Variants in LIPK observed in about 807,000 individuals in gnomAD.
The protein encoded by LIPK is lipase member K.
In LIPK, 32 loss-of-function variants were observed where a neutral mutation model predicts 48.6. The ratio of observed to expected loss-of-function variants is 0.66; its 90% CI spans 0.50 to 0.88. The LOEUF (loss-of-function observed/expected upper bound fraction) is 0.88, where lower values mean the gene tolerates loss of function less well. Ranked by LOEUF, LIPK falls within the 40% of genes least tolerant of loss-of-function variation. The probability of loss-of-function intolerance (pLI) is 0.00; values close to 1 mark genes in which losing one functional copy is unlikely to be tolerated. For missense variants in LIPK, 507 were observed against 478.5 expected (o/e 1.06, Z -0.56); for synonymous variants, 164 against 157.4 (o/e 1.04, Z -0.32).
intron 7 of LIPK, among the ~76,000 whole-genome samples, chr10:88,739,345 T>C (rs1003177474): frequency 1.3e-5 from 2 of 152,042 alleles, no homozygotes; most frequent in Non-Finnish European, 2.9e-5. Context: ...ATCACTGGGG[T>C]TTTTATTCTT....
At chr10:88,732,128 G>T in intron 4 of LIPK, 50 bp from the exon 5 acceptor site, 1 of 1,235,230 alleles carries the variant, frequency 8.1e-7, no homozygotes. Context: ...AATGTTCTAG[G>T]CCTAACAATG....
intron 6 of LIPK, 108 bp from the exon 7 acceptor site, chr10:88,737,527 C>G: frequency 9.0e-7 from 1 of 1,113,430 alleles, no homozygotes; most frequent in Admixed American, 2.2e-5. Context: ...AGGACCAACA[C>G]TGAGCAGATG....
chr10:88,740,104 C>T (rs1448604380), intron 8 of LIPK, 37 bp downstream of exon 8: 2 of 1,487,544 alleles, frequency 1.3e-6, no homozygotes, highest in Non-Finnish European at 9.3e-7. Flanking sequence ...GCACACATAT[C>T]TCTGCAAGAC....
chr10:88,726,716 T>C (rs995545736), intron 2 of LIPK, 79 bp from the exon 3 acceptor site: 1 of 753,768 alleles, frequency 1.3e-6, no homozygotes, highest in Non-Finnish European at 2.3e-6. Flanking sequence ...AACAGACAAA[T>C]AAAGTACTAT....
At chr10:88,736,737 G>T (rs1428101424) in intron 6 of LIPK, among the ~76,000 whole-genome samples, 1 of 152,140 alleles carries the variant, frequency 6.6e-6, no homozygotes. Flanking sequence ...TACCATAATG[G>T]ATTCTTGGTT....
chr10:88,709,730 C>T (rs1841994421), intron 1 of LIPK, among the ~76,000 whole-genome samples: 1 of 151,870 alleles, frequency 6.6e-6, no homozygotes, highest in Admixed American at 6.6e-5. Context: ...AGTTCCTTTC[C>T]CAATACCAAT....
At chr10:88,750,413 A>G (rs1470915701) in intron 9 of LIPK, among the ~76,000 whole-genome samples, 2 of 152,110 alleles carry the variant, frequency 1.3e-5, no homozygotes, top group African/African-American at 4.8e-5. Context: ...TGCCCATAAG[A>G]GGTGAACTGA....
chr10:88,750,323 A>G (rs1842843186), intron 9 of LIPK, among the ~76,000 whole-genome samples: 1 of 152,216 alleles, frequency 6.6e-6, no homozygotes, highest in Admixed American at 6.5e-5. Flanking sequence ...AAAGGAATAT[A>G]AATCGTTCTA....
chr10:88,740,639 T>TGTGCATGCGCACACAC (rs757482464), intron 8 of LIPK, among the ~76,000 whole-genome samples: 39 of 152,262 alleles, frequency 2.6e-4, no homozygotes, highest in Non-Finnish European at 5.4e-4. Flanking sequence ...TGTCTTTGTG[T>TGTGCATGCGCACACAC]GTGCATGCGC....
intron 3 of LIPK, among the ~76,000 whole-genome samples, chr10:88,729,114 AT>A (rs36130319): frequency 1.0e-3 from 152 of 149,028 alleles, no homozygotes; most frequent in African/African-American, 3.5e-3. Context: ...AAACAAGTCT[AT>A]TTTTTTTTTC....
chr10:88,743,282 T>C lies in LIPK; in HGVS notation c.921T>C (p.Asp307=), dbSNP rs1324723633. ...AVNSGQLQAF[D]WGNSDQNMMH... ...ATTCTGGTCAGCTCCAAGCTTTTGA[T>C]TGGGGAAACTCTGATCAGAACATGA... The change falls in exon 9 of 10, where the codon GAT becomes GAC. Residue 307 remains aspartate (D), a synonymous_variant. Transcript: ENST00000404190. The C allele has an allele frequency of 3.8e-6, 6 of 1,593,628 alleles. No homozygotes were observed. The highest frequency in any genetic ancestry group is 2.6e-6 in the Non-Finnish European group (3 of 1,168,260).
At chr10:88,746,346 C>T (rs1014410712) in intron 9 of LIPK, among the ~76,000 whole-genome samples, 4 of 152,018 alleles carry the variant, frequency 2.6e-5, no homozygotes, top group Non-Finnish European at 5.9e-5. Flanking sequence ...GTGCACATGG[C>T]ATATACTCTA....
chr10:88,730,372 C>T lies in LIPK; in HGVS notation c.224-611C>T, dbSNP rs189701818. ...TGTGGCGATCTCGGCTCACTGCAAG[C>T]TCCGCCTCCCGGGTTCACGCCATTT... On this transcript the variant is annotated intron_variant, in intron 3 of 9. Coordinates refer to ENST00000404190, the MANE Select transcript of LIPK (RefSeq NM_001080518.2). 5.4e-3 allele frequency among the ~76,000 whole-genome samples: 813 copies of T among 151,810 alleles called. 9 individuals are homozygous for T. The highest frequency in any genetic ancestry group is 0.024 in the Middle Eastern group (7 of 294).
chr10:88,719,115 T>C (rs774258792), intron 1 of LIPK, among the ~76,000 whole-genome samples: 14 of 152,152 alleles, frequency 9.2e-5, no homozygotes, highest in Non-Finnish European at 1.5e-4. Flanking sequence ...ACATCTGAAA[T>C]AATCACAGAA....
chr10:88,732,043 G>A (rs1842477237), intron 4 of LIPK, 135 bp from the exon 5 acceptor site: 1 of 543,342 alleles, frequency 1.8e-6, no homozygotes, highest in Admixed American at 3.5e-5. Flanking sequence ...TTGCATAGTT[G>A]CCTAATATCA....
chr10:88,729,257 G>C (rs1017949079), intron 3 of LIPK, among the ~76,000 whole-genome samples: 1 of 28,766 alleles, frequency 3.5e-5, no homozygotes, highest in African/African-American at 3.3e-4. Context: ...TCTGTTGGGG[G>C]GGGGGGGCGG....
At chr10:88,722,260 A>G in intron 1 of LIPK, among the ~76,000 whole-genome samples, 1 of 152,158 alleles carries the variant, frequency 6.6e-6, no homozygotes. Flanking sequence ...GCACCATTAT[A>G]CTCCAGCCTG....
At chr10:88,727,523 A>G (rs412927) in intron 3 of LIPK, 122,961 of 158,952 alleles carry the variant, frequency 0.77, 48,639 homozygotes, top group East Asian at 1. Flanking sequence ...TAGCCTACCT[A>G]CCTTCACTCC....
rs373230865 is a variant in LIPK, at chr10:88,737,725, A to G, written c.760A>G (p.Ile254Val). 1 of 1,613,890 alleles carries G rather than the reference A, an allele frequency of 6.2e-7. No individual in the cohort carries two copies. The highest frequency in any genetic ancestry group is 1.3e-5 in the African/African-American group (1 of 75,038). Residue 254 changes from isoleucine to valine, a missense_variant, in exon 7 of 10, where the codon ATT (isoleucine) becomes GTT (valine). Physicochemically the swap from Ile to Val is conservative, Grantham distance 29. Transcript: ENST00000404190. The part of the protein sequence containing the change: ...KVCNRKLFRR[I>V]CSNFLFTLSG... ...GTGCAATCGAAAGCTATTCCGTCGT[A>G]TTTGCAGCAACTTCCTATTTACTCT...
Sources: gnomAD v4.1 joint callset for allele counts (sites outside exome capture counted in the v4.1 genomes callset) on GRCh38, gnomAD v4.1.1 for gene constraint, MANE v1.5 for transcripts, NCBI Gene and HGNC (gene_info 2026-07-23, HGNC 2026-07-21) for gene names.